The following SFMBT1 variants were observed in gnomAD, a reference collection of about 807,000 sequenced individuals.
The protein encoded by SFMBT1 is Scm like with four mbt domains 1.
Under a neutral mutation model 108.7 loss-of-function variants are expected in SFMBT1, and 32 were observed. That is an observed-to-expected ratio of 0.29 (90% CI 0.22 to 0.40). SFMBT1 has a LOEUF of 0.40. Among genes scored for constraint, SFMBT1 ranks in the 10% least tolerant of loss-of-function variants. SFMBT1 has a pLI of 1.00. For synonymous variants in SFMBT1, 348 were observed against 369.5 expected (o/e 0.94, Z 0.67); for missense variants, 816 against 1,059.6 (o/e 0.77, Z 3.19).
chr3:52,946,946 A>AT (rs1170448370), intron 3 of SFMBT1, among the ~76,000 whole-genome samples: 1 of 150,140 alleles, frequency 6.7e-6, no homozygotes, highest in African/African-American at 2.5e-5. Context: ...TGATTTTTGT[A>AT]TTTTTTGTAG....
At chr3:52,931,931 T>C in intron 6 of SFMBT1, 131 bp downstream of exon 6, 1 of 1,055,980 alleles carries the variant, frequency 9.5e-7, no homozygotes, top group Non-Finnish European at 1.3e-6. Context: ...ATATAAACTG[T>C]TTTGTAATAG....
At chr3:52,929,707 C>G (rs540620571) in intron 8 of SFMBT1, among the ~76,000 whole-genome samples, 18 of 152,210 alleles carry the variant, frequency 1.2e-4, no homozygotes, top group Non-Finnish European at 2.6e-4. Flanking sequence ...GGATTTAGCA[C>G]CCAGGCAACT....
intron 11 of SFMBT1, among the ~76,000 whole-genome samples, 191 bp from the exon 12 acceptor site, chr3:52,920,841 A>C (rs1292876755): frequency 1.3e-5 from 2 of 152,218 alleles, no homozygotes; most frequent in Non-Finnish European, 2.9e-5. Context: ...CTTCCATGTA[A>C]AACTGTATCA....
intron 1 of SFMBT1, among the ~76,000 whole-genome samples, chr3:52,997,341 T>A (rs536411102): frequency 6.7e-6 from 1 of 149,712 alleles, no homozygotes; most frequent in South Asian, 2.1e-4. Flanking sequence ...ATCGGTACCA[T>A]CCTGGCTAAC....
chr3:52,962,942 T>C (rs937827227), intron 2 of SFMBT1, among the ~76,000 whole-genome samples: 4 of 151,772 alleles, frequency 2.6e-5, no homozygotes, highest in African/African-American at 7.3e-5. Context: ...GCTATATATA[T>C]GGAAAAAGAG....
intron 2 of SFMBT1, among the ~76,000 whole-genome samples, chr3:52,960,524 A>C (rs919620933): frequency 1.3e-5 from 2 of 152,234 alleles, no homozygotes; most frequent in Middle Eastern, 3.2e-3. Context: ...GAGAATTAAG[A>C]ATGGTTGTAT....
intron 10 of SFMBT1, among the ~76,000 whole-genome samples, 177 bp from the exon 11 acceptor site, chr3:52,922,008 T>C (rs1414070190): frequency 2.0e-5 from 3 of 152,224 alleles, no homozygotes; most frequent in Admixed American, 6.5e-5. Context: ...CCTGGTGTTA[T>C]AGGAAGTATA....
chr3:53,006,184 T>C (rs896348662), intron 1 of SFMBT1, among the ~76,000 whole-genome samples: 2 of 152,134 alleles, frequency 1.3e-5, no homozygotes, highest in African/African-American at 4.8e-5. Flanking sequence ...TACCAAGAGT[T>C]TGAATTTCAG....
chr3:52,930,964 G>GCTCTTC lies in SFMBT1; in HGVS notation c.766_771dup (p.Glu256_Glu257dup), dbSNP rs777410940. 3.7e-6 allele frequency: 6 copies of GCTCTTC among 1,613,814 alleles called. No homozygotes were observed. The highest frequency in any genetic ancestry group is 5.1e-6 in the Non-Finnish European group (6 of 1,179,912). On this transcript the variant is annotated inframe_insertion, in exon 7 of 21. Coordinates refer to ENST00000394752, the MANE Select transcript of SFMBT1 (RefSeq NM_016329.4). ...ACCTTAAATAAGTAAGATGGTAATG[G>GCTCTTC]CTCTTCCTCTTCCTCTTTCACTTTG...
At chr3:52,952,650 C>T (rs571772602) in intron 3 of SFMBT1, among the ~76,000 whole-genome samples, 1 of 152,138 alleles carries the variant, frequency 6.6e-6, no homozygotes, top group African/African-American at 2.4e-5. Flanking sequence ...AAAGATGGTG[C>T]CTTCTTGCTG....
intron 1 of SFMBT1, among the ~76,000 whole-genome samples, chr3:52,977,228 A>G (rs1479129885): frequency 6.6e-6 from 1 of 152,154 alleles, no homozygotes; most frequent in Admixed American, 6.5e-5. Flanking sequence ...AAAAAACTGG[A>G]GGCTGGGAGC....
intron 2 of SFMBT1, among the ~76,000 whole-genome samples, chr3:52,961,559 C>T (rs58515094): frequency 0.091 from 13,784 of 152,072 alleles, 646 homozygotes; most frequent in African/African-American, 0.099. Flanking sequence ...AAGACCCCAC[C>T]GCTTTAAAAA....
At chr3:52,935,298 C>T (rs1268487649) in intron 4 of SFMBT1, among the ~76,000 whole-genome samples, 1 of 152,214 alleles carries the variant, frequency 6.6e-6, no homozygotes, top group Non-Finnish European at 1.5e-5. Flanking sequence ...CCAGGATTTA[C>T]AAGCTACAAC....
intron 1 of SFMBT1, among the ~76,000 whole-genome samples, chr3:52,989,396 C>A (rs1705039627): frequency 6.9e-6 from 1 of 145,132 alleles, no homozygotes; most frequent in African/African-American, 2.6e-5. Context: ...CAGATTGTGC[C>A]ACTGCACTCC....
chr3:52,920,747 A>G (rs1375773510), intron 11 of SFMBT1, 97 bp from the exon 12 acceptor site: 5 of 694,104 alleles, frequency 7.2e-6, no homozygotes, highest in African/African-American at 1.8e-5. Context: ...ATAATGTTCT[A>G]CTCTTATAAT....
intron 6 of SFMBT1, 72 bp downstream of exon 6, chr3:52,931,990 T>C: frequency 4.0e-6 from 6 of 1,500,580 alleles, no homozygotes; most frequent in Non-Finnish European, 5.4e-6. Context: ...AGAATATATT[T>C]TTTCAGCCTC....
At chr3:52,949,802 CT>C (rs1033950675) in intron 3 of SFMBT1, among the ~76,000 whole-genome samples, 154 of 152,050 alleles carry the variant, frequency 1.0e-3, no homozygotes, top group African/African-American at 3.6e-3. Flanking sequence ...TGGTCTTGAA[CT>C]CCCGACCTCA....
Position 52,989,525 on chromosome 3 carries a change from G to T in SFMBT1, c.-130-20267C>A, listed in dbSNP as rs1384116563. Among the ~76,000 whole-genome samples, 6 of 151,966 alleles carry T rather than the reference G, an allele frequency of 3.9e-5. No individual in the cohort carries two copies. The East Asian group carries it at 1.2e-3, about 29-fold the overall frequency. ...TTTTATAAGAAAAAAATAAGGCCAG[G>T]TGTGGTGGCTCACACCTGTAATACC... On this transcript the variant is annotated intron_variant, in intron 1 of 20. Transcript: ENST00000394752.
chr3:52,943,706 C>A, intron 3 of SFMBT1, 113 bp from the exon 4 acceptor site: 1 of 1,351,338 alleles, frequency 7.4e-7, no homozygotes, highest in South Asian at 1.3e-5. Context: ...AATAACATCT[C>A]AAGGAAAGCC....
Sources: gnomAD v4.1 joint callset for allele counts (sites outside exome capture counted in the v4.1 genomes callset) on GRCh38, gnomAD v4.1.1 for gene constraint, MANE v1.5 for transcripts, NCBI Gene and HGNC (gene_info 2026-07-23, HGNC 2026-07-21) for gene names.